SYN2: variants seen among roughly 807,000 people sequenced by gnomAD.
SYN2 encodes the protein synapsin II.
Under a neutral mutation model 50.9 loss-of-function variants are expected in SYN2, and 19 were observed. The observed-to-expected ratio is 0.37, with a 90% CI of 0.26 to 0.55. SYN2 has a LOEUF of 0.55. Among genes scored for constraint, SYN2 ranks in the 20% least tolerant of loss-of-function variants. The pLI, the probability that SYN2 is intolerant of heterozygous loss-of-function variation, is 0.81. For missense variants in SYN2, 587 were observed against 576.4 expected (o/e 1.02, Z -0.19); for synonymous variants, 255 against 224.9 (o/e 1.13, Z -1.20).
At chr3:12,123,333 C>A (rs1328047412) in intron 1 of SYN2, among the ~76,000 whole-genome samples, 1 of 152,010 alleles carries the variant, frequency 6.6e-6, no homozygotes, top group African/African-American at 2.4e-5. Context: ...TAAGAGCATC[C>A]AAAGATAAAA....
At chr3:12,164,953 A>G (rs925049185) in intron 7 of SYN2, among the ~76,000 whole-genome samples, 2 of 145,204 alleles carry the variant, frequency 1.4e-5, no homozygotes, top group African/African-American at 5.1e-5. Context: ...AACCAATTAT[A>G]TGAGGTTCAG....
rs775360837 is a variant in SYN2, at chr3:12,190,642, G to A, written c.*17G>A. The A allele has an allele frequency of 2.0e-5, 32 of 1,607,428 alleles. No homozygotes were observed. The highest frequency in any genetic ancestry group is 2.6e-5 in the Non-Finnish European group (31 of 1,177,408). On this transcript the variant is annotated 3_prime_UTR_variant, in exon 13 of 13. Transcript: ENST00000621198. Reference sequence around the variant, plus strand: ...TCAGATTAGCTCTTCAGACACACGGGGCACCCAGCCCAACCGGGAAAGGCA... The same window carrying A: ...TCAGATTAGCTCTTCAGACACACGGAGCACCCAGCCCAACCGGGAAAGGCA...
chr3:12,168,436 C>G lies in SYN2; in HGVS notation c.1116C>G (p.Val372=), dbSNP rs1400089276. Residue 372 remains valine, a synonymous_variant, in exon 9 of 13, where the codon GTC becomes GTG. Transcript: ENST00000621198. Reference sequence around the variant, plus strand: ...TTGGCGGCCTGGACATCTGTGCTGTCAAAGCTGTACATGGCAAAGATGGGA... The same window carrying G: ...TTGGCGGCCTGGACATCTGTGCTGTGAAAGCTGTACATGGCAAAGATGGGA... ...EMFGGLDICA[V]KAVHGKDGKD... is the part of the protein sequence containing the mutation. 1 of 1,613,922 alleles carries G rather than the reference C, an allele frequency of 6.2e-7. No homozygotes were observed. Among genetic ancestry groups the G allele is most frequent in the Non-Finnish European group, 8.5e-7 (1 of 1,179,914 alleles).
intron 9 of SYN2, among the ~76,000 whole-genome samples, chr3:12,169,525 C>G (rs749942577): frequency 6.6e-6 from 1 of 152,210 alleles, no homozygotes; most frequent in Non-Finnish European, 1.5e-5. Flanking sequence ...TTTGGTCTCA[C>G]TGAGCCCTGG....
chr3:12,107,124 CTATTTCATATAA>C (rs1233356287), intron 1 of SYN2, among the ~76,000 whole-genome samples: 1 of 152,092 alleles, frequency 6.6e-6, no homozygotes, highest in Admixed American at 6.6e-5. Flanking sequence ...TTCAAGCATA[CTATTTCATATAA>C]TCATGTGCCT....
intron 3 of SYN2, among the ~76,000 whole-genome samples, chr3:12,143,984 T>G (rs1438647908): frequency 2.0e-5 from 3 of 152,154 alleles, no homozygotes; most frequent in African/African-American, 7.2e-5. Context: ...TCAGCCTGGG[T>G]GCAGCTGGGG....
Position 12,187,475 on chromosome 3 carries a change from TTCCTCCTCC to T in SYN2, c.1479_1487del (p.Ser494_Ser496del), listed in dbSNP as rs1171584966. ...CACCTTCCTCCTCTTCCTCCTCTTC[TTCCTCCTCC>T]TCGGCTCCTCAGCGGCCGGGCGGCC... On this transcript the variant is annotated inframe_deletion, in exon 12 of 13. Coordinates refer to ENST00000621198, the MANE Select transcript of SYN2 (RefSeq NM_133625.6). 1.1e-5 allele frequency: 17 copies of T among 1,550,578 alleles called. No homozygotes were observed. The highest frequency in any genetic ancestry group is 1.5e-5 in the Non-Finnish European group (17 of 1,145,872).
intron 5 of SYN2, among the ~76,000 whole-genome samples, chr3:12,157,941 A>T (rs1282295075): frequency 1.3e-5 from 2 of 152,246 alleles, no homozygotes; most frequent in African/African-American, 4.8e-5. Context: ...GAGGTATTGC[A>T]TCTCTTGCCA....
At chr3:12,106,844 G>A (rs1696202980) in intron 1 of SYN2, among the ~76,000 whole-genome samples, 1 of 152,120 alleles carries the variant, frequency 6.6e-6, no homozygotes, top group Non-Finnish European at 1.5e-5. Context: ...ACATGATAGA[G>A]AACAGATAGG....
intron 1 of SYN2, among the ~76,000 whole-genome samples, chr3:12,133,414 G>A (rs1342852509): frequency 5.3e-5 from 8 of 152,186 alleles, no homozygotes; most frequent in African/African-American, 1.4e-4. Context: ...AAGCCTGACT[G>A]TTTGAGGTCT....
intron 5 of SYN2, among the ~76,000 whole-genome samples, chr3:12,157,711 G>C (rs563871472): frequency 6.6e-6 from 1 of 152,282 alleles, no homozygotes; most frequent in African/African-American, 2.4e-5. Context: ...CCGCTAAGCT[G>C]TTTCTGCCTT....
chr3:12,078,952 C>T (rs912848453), intron 1 of SYN2, among the ~76,000 whole-genome samples: 1 of 152,020 alleles, frequency 6.6e-6, no homozygotes, highest in Non-Finnish European at 1.5e-5. Flanking sequence ...GATGTTTTTC[C>T]ATTTGTTTGT....
intron 1 of SYN2, among the ~76,000 whole-genome samples, chr3:12,099,352 A>C (rs1317029729): frequency 6.6e-6 from 1 of 152,216 alleles, no homozygotes; most frequent in Non-Finnish European, 1.5e-5. Flanking sequence ...TTGAAATCAT[A>C]CAAAATATGT....
At chr3:12,099,503 G>T (rs908577415) in intron 1 of SYN2, among the ~76,000 whole-genome samples, 26 of 152,028 alleles carry the variant, frequency 1.7e-4, no homozygotes, top group Non-Finnish European at 3.8e-4. Context: ...TGAAATTAAT[G>T]AAAACAAACA....
chr3:12,085,836 A>G (rs1172976971), intron 1 of SYN2, among the ~76,000 whole-genome samples: 1 of 152,150 alleles, frequency 6.6e-6, no homozygotes, highest in Admixed American at 6.5e-5. Context: ...TCATACCTCA[A>G]AGGAACTAGA....
intron 1 of SYN2, among the ~76,000 whole-genome samples, chr3:12,043,697 G>A (rs1272659300): frequency 6.6e-6 from 1 of 152,156 alleles, no homozygotes; most frequent in Admixed American, 6.5e-5. Flanking sequence ...ATTCTACTGG[G>A]TTGGTTAAAG....
intron 1 of SYN2, among the ~76,000 whole-genome samples, chr3:12,066,169 T>C (rs1031791851): frequency 6.6e-6 from 1 of 152,210 alleles, no homozygotes; most frequent in Non-Finnish European, 1.5e-5. Context: ...GAAATCTGGA[T>C]AAAGTATGCA....
chr3:12,085,120 AAAAAT>A (rs1695665178), intron 1 of SYN2, among the ~76,000 whole-genome samples: 1 of 151,822 alleles, frequency 6.6e-6, no homozygotes, highest in Admixed American at 6.6e-5. Flanking sequence ...AAAAAAAAAA[AAAAAT>A]ATGTTGCCTA....
At chr3:12,069,905 C>CA (rs1695307415) in intron 1 of SYN2, among the ~76,000 whole-genome samples, 1 of 151,704 alleles carries the variant, frequency 6.6e-6, no homozygotes, top group Non-Finnish European at 1.5e-5. Context: ...CTCCCAGGCT[C>CA]AGTCAATCCT....
Sources: gnomAD v4.1 joint callset for allele counts (sites outside exome capture counted in the v4.1 genomes callset) on GRCh38, gnomAD v4.1.1 for gene constraint, MANE v1.5 for transcripts, NCBI Gene and HGNC (gene_info 2026-07-23, HGNC 2026-07-21) for gene names.